The following CPNE8 variants were observed in gnomAD, a reference collection of about 807,000 sequenced individuals.
The protein encoded by CPNE8 is copine 8, also known as copine-8.
A neutral mutation model predicts 81.5 loss-of-function variants in CPNE8; 45 were observed. That is an observed-to-expected ratio of 0.55 (90% CI 0.44 to 0.71). The LOEUF (loss-of-function observed/expected upper bound fraction) is 0.71, where lower values mean the gene tolerates loss of function less well. Ranked by LOEUF, CPNE8 falls within the 30% of genes least tolerant of loss-of-function variation. The pLI is 0.00. For synonymous variants in CPNE8, 252 were observed against 226.3 expected, an observed-to-expected ratio of 1.11 and a Z score of -1.02; for missense variants, 594 against 672.1, an observed-to-expected ratio of 0.88 and a Z score of 1.28.
At chr12:38,867,364 G>GAGAC (rs1565654790) in intron 3 of CPNE8, among the ~76,000 whole-genome samples, 4 of 148,176 alleles carry the variant, frequency 2.7e-5, no homozygotes, top group Admixed American at 6.7e-5. Context: ...GAGAGAGAGA[G>GAGAC]AGAGACAGAG....
intron 6 of CPNE8, among the ~76,000 whole-genome samples, chr12:38,791,651 T>A (rs1942326763): frequency 6.6e-6 from 1 of 151,648 alleles, no homozygotes; most frequent in South Asian, 2.1e-4. Context: ...ATATGAGACT[T>A]CAATACCACA....
At chr12:38,894,479 C>T (rs1230043535) in intron 1 of CPNE8, among the ~76,000 whole-genome samples, 1 of 152,092 alleles carries the variant, frequency 6.6e-6, no homozygotes, top group Middle Eastern at 3.2e-3. Context: ...CAATTGTAAT[C>T]AACTTTCTAA....
chr12:38,881,086 T>G (rs1944148329), intron 1 of CPNE8, among the ~76,000 whole-genome samples: 1 of 151,892 alleles, frequency 6.6e-6, no homozygotes, highest in South Asian at 2.1e-4. Context: ...GGCGGGCGCC[T>G]TCATTCCCGG....
chr12:38,873,201 AATC>A (rs1347815893), intron 2 of CPNE8, 151 bp from the exon 3 acceptor site: 2 of 567,272 alleles, frequency 3.5e-6, no homozygotes, highest in Non-Finnish European at 6.2e-6. Context: ...AAGGCTAGTA[AATC>A]ATCATATGAC....
At chr12:38,685,790 A>G in intron 15 of CPNE8, 173 bp from the exon 16 acceptor site, 1 of 519,754 alleles carries the variant, frequency 1.9e-6, no homozygotes, top group South Asian at 2.4e-5. Context: ...GTGATCAACA[A>G]TCGATTATGA....
Position 38,829,349 on chromosome 12 carries a change from A to G in CPNE8, c.407+30T>C, listed in dbSNP as rs745629657. 2.0e-6 allele frequency: 3 copies of G among 1,466,826 alleles called. No individual in the cohort carries two copies. The African/African-American group carries it at 4.2e-5, about 20-fold the overall frequency. The allele number at this position is 1,466,826 out of a possible 1,614,324, so 90.9% of individuals were successfully genotyped here. A position where few individuals can be genotyped will look rare whatever the true frequency, so the allele number is the denominator to read the frequency against. ...CAAAATAGAAACTGTTAAAGTTGGCATTTCATTGTCTGAATTAAAAAATAC... is the reference window on the plus strand; with the variant it reads ...CAAAATAGAAACTGTTAAAGTTGGCGTTTCATTGTCTGAATTAAAAAATAC... On this transcript the variant is annotated intron_variant, in intron 6 of 19. Transcript: ENST00000331366.
chr12:38,899,918 C>A (rs1490598436), intron 1 of CPNE8, among the ~76,000 whole-genome samples: 2 of 151,862 alleles, frequency 1.3e-5, no homozygotes, highest in South Asian at 2.1e-4. Flanking sequence ...CACAGCACTG[C>A]AGAATACTTT....
At chr12:38,780,785 G>A (rs545251289) in intron 6 of CPNE8, among the ~76,000 whole-genome samples, 2 of 152,102 alleles carry the variant, frequency 1.3e-5, no homozygotes, top group African/African-American at 4.8e-5. Flanking sequence ...ATAAACTATA[G>A]ATACTTTGAA....
chr12:38,876,314 T>C (rs1026774769), intron 1 of CPNE8, among the ~76,000 whole-genome samples: 1 of 152,136 alleles, frequency 6.6e-6, no homozygotes, highest in Non-Finnish European at 1.5e-5. Flanking sequence ...CAGGTTCAAG[T>C]GATTCTCCTG....
chr12:38,898,202 T>A (rs1332640094), intron 1 of CPNE8, among the ~76,000 whole-genome samples: 1 of 152,130 alleles, frequency 6.6e-6, no homozygotes, highest in Non-Finnish European at 1.5e-5. Flanking sequence ...TAGATTAGCA[T>A]TCTCCACATA....
chr12:38,783,749 C>G (rs916511413), intron 6 of CPNE8, among the ~76,000 whole-genome samples: 5 of 152,166 alleles, frequency 3.3e-5, no homozygotes, highest in African/African-American at 4.8e-5. Flanking sequence ...AGAACTCTTA[C>G]AGATTTTGTC....
intron 6 of CPNE8, among the ~76,000 whole-genome samples, chr12:38,812,846 A>C (rs1416987721): frequency 3.3e-5 from 5 of 152,172 alleles, no homozygotes; most frequent in Non-Finnish European, 7.3e-5. Context: ...GAAAGTCCTT[A>C]CCGGACACTG....
At chr12:38,658,520 C>T (rs1009292549) in intron 19 of CPNE8, among the ~76,000 whole-genome samples, 3 of 152,074 alleles carry the variant, frequency 2.0e-5, no homozygotes, top group African/African-American at 7.2e-5. Flanking sequence ...GCAAGGCAAG[C>T]CAACATTCAA....
At chr12:38,829,348 C>T (rs375190840) in intron 6 of CPNE8, 31 bp downstream of exon 6, 72 of 1,427,492 alleles carry the variant, frequency 5.0e-5, no homozygotes, top group Middle Eastern at 1.8e-4. Flanking sequence ...TTAAAGTTGG[C>T]ATTTCATTGT....
At chr12:38,902,225 G>T (rs1248320040) in intron 1 of CPNE8, among the ~76,000 whole-genome samples, 2 of 105,268 alleles carry the variant, frequency 1.9e-5, no homozygotes, top group African/African-American at 9.3e-5. Context: ...AAGAGAAAGA[G>T]AAAGAAGGAA....
chr12:38,893,632 T>C (rs529203599), intron 1 of CPNE8, among the ~76,000 whole-genome samples: 1 of 152,356 alleles, frequency 6.6e-6, no homozygotes, highest in Non-Finnish European at 1.5e-5. Flanking sequence ...TTCACTTTAC[T>C]GTATAGACTC....
chr12:38,744,295 C>G (rs985627114), intron 10 of CPNE8, among the ~76,000 whole-genome samples: 7 of 152,098 alleles, frequency 4.6e-5, no homozygotes, highest in Non-Finnish European at 1.5e-5. Flanking sequence ...ATCACGAATT[C>G]CAGTATTGTC....
chr12:38,779,079 T>C (rs1941992837), intron 6 of CPNE8, among the ~76,000 whole-genome samples: 1 of 152,156 alleles, frequency 6.6e-6, no homozygotes, highest in Admixed American at 6.6e-5. Flanking sequence ...TTCTTTCTAT[T>C]TGTGAACTAT....
Position 38,811,219 on chromosome 12 carries a change from A to T in CPNE8, c.407+18160T>A, listed in dbSNP as rs578146194. ...AGTTTTATTGCAGTATTGCGTATAT[A>T]AAAAAAAACCTAAAAACTACTAAAA... is the stretch of plus-strand genomic sequence containing the variant. On this transcript the variant is annotated intron_variant, in intron 6 of 19. Transcript: ENST00000331366. Among the ~76,000 whole-genome samples the T allele has an allele frequency of 3.9e-4, 31 of 80,328 alleles. 1 individual carries two copies. In the South Asian group the frequency reaches 0.01, roughly 27 times the overall value. The allele number at this position is 80,328 out of a possible 152,430, so 52.7% of individuals were successfully genotyped here. A position where few individuals can be genotyped will look rare whatever the true frequency, so the allele number is the denominator to read the frequency against.
Sources: allele counts gnomAD v4.1 joint callset (sites outside exome capture counted in the v4.1 genomes callset), GRCh38; gene constraint gnomAD v4.1.1; transcripts MANE v1.5; gene names NCBI Gene and HGNC (gene_info 2026-07-23, HGNC 2026-07-21).